Variants in UBE2H observed in about 807,000 individuals in gnomAD.
The protein encoded by UBE2H is ubiquitin conjugating enzyme E2 H.
A neutral mutation model predicts 29.0 loss-of-function variants in UBE2H; 3 were observed. That is an observed-to-expected ratio of 0.10 (90% CI 0.05 to 0.27). The LOEUF (loss-of-function observed/expected upper bound fraction) is 0.27. Ranked by LOEUF, UBE2H falls within the 10% of genes least tolerant of loss-of-function variation. The probability of loss-of-function intolerance (pLI) is 1.00; values close to 1 mark genes in which losing one functional copy is unlikely to be tolerated. For missense variants in UBE2H, 68 were observed against 228.2 expected (o/e 0.30, Z 4.52); for synonymous variants, 69 against 82.9 (o/e 0.83, Z 0.91).
intron 1 of UBE2H, among the ~76,000 whole-genome samples, chr7:129,922,497 G>A (rs1478921693): frequency 2.6e-5 from 4 of 152,140 alleles, no homozygotes; most frequent in African/African-American, 9.6e-5. Context: ...TGCTGGTCTC[G>A]AACTCCTGAC....
intron 1 of UBE2H, among the ~76,000 whole-genome samples, chr7:129,944,003 TTAA>T (rs1468584703): frequency 6.6e-6 from 1 of 152,074 alleles, no homozygotes; most frequent in African/African-American, 2.4e-5. Flanking sequence ...TAAAATAAGG[TTAA>T]TAATAAAAAA....
chr7:129,857,579 A>G lies in UBE2H; in HGVS notation c.246-16T>C. 2.5e-6 allele frequency: 4 copies of G among 1,606,122 alleles called. No homozygotes were observed. The highest frequency in any genetic ancestry group is 1.1e-5 in the South Asian group (1 of 88,714). On this transcript the variant is annotated splice_polypyrimidine_tract_variant and intron_variant, in intron 4 of 6. Coordinates refer to ENST00000355621, the MANE Select transcript of UBE2H (RefSeq NM_003344.4). ...AGTTCCTGACCTGAAACAGATGGAA[A>G]GAATGGCATGTTTTTAAAAATTAGA...
rs1464398806 is a variant in UBE2H, at chr7:129,839,159, A to G, written c.427+48T>C. ...AAGGACTTTTAATGACTGAAGCCCA[A>G]CAGATTTAAGTTCTTTTGTCTCCAG... On this transcript the variant is annotated intron_variant, in intron 6 of 6. Transcript: ENST00000355621. 5.0e-6 allele frequency: 8 copies of G among 1,591,514 alleles called. No homozygotes were observed. In the African/African-American group the frequency reaches 5.4e-5, roughly 11 times the overall value.
intron 3 of UBE2H, among the ~76,000 whole-genome samples, chr7:129,867,238 AC>A (rs1210878009): frequency 1.3e-5 from 2 of 152,106 alleles, no homozygotes; most frequent in African/African-American, 4.8e-5. Flanking sequence ...AGACCATCCT[AC>A]ACATGCACAC....
intron 3 of UBE2H, among the ~76,000 whole-genome samples, chr7:129,865,564 G>A (rs1001216637): frequency 2.6e-5 from 4 of 152,174 alleles, no homozygotes; most frequent in East Asian, 1.9e-4. Flanking sequence ...TACGGTAAAC[G>A]GGTGAAGATC....
intron 1 of UBE2H, among the ~76,000 whole-genome samples, chr7:129,898,518 T>C (rs139023906): frequency 2.6e-5 from 4 of 152,202 alleles, no homozygotes; most frequent in Middle Eastern, 3.4e-3. Context: ...AAGAACTGAA[T>C]AATATGAAAA....
intron 1 of UBE2H, among the ~76,000 whole-genome samples, chr7:129,886,758 G>GTTTTTTGTTT (rs1554435086): frequency 3.0e-4 from 12 of 40,302 alleles, no homozygotes; most frequent in South Asian, 7.3e-4. Context: ...CTGGTTTTTT[G>GTTTTTTGTTT]TTTTTTGGTA....
chr7:129,880,614 G>A (rs1248211000), intron 2 of UBE2H, among the ~76,000 whole-genome samples: 3 of 152,194 alleles, frequency 2.0e-5, no homozygotes, highest in Non-Finnish European at 4.4e-5. Flanking sequence ...GACATGGGAG[G>A]ATGTGTGTAG....
intron 1 of UBE2H, among the ~76,000 whole-genome samples, chr7:129,951,569 A>G (rs763998785): frequency 7.9e-5 from 12 of 152,190 alleles, no homozygotes; most frequent in Non-Finnish European, 1.2e-4. Context: ...CTGGACTCCA[A>G]CCAAAACCAC....
At chr7:129,949,357 T>C (rs769158287) in intron 1 of UBE2H, among the ~76,000 whole-genome samples, 15 of 152,200 alleles carry the variant, frequency 9.9e-5, no homozygotes, top group Non-Finnish European at 2.1e-4. Flanking sequence ...CCAATCTACC[T>C]GACTTTGCAA....
intron 3 of UBE2H, among the ~76,000 whole-genome samples, chr7:129,868,352 G>A (rs1458100814): frequency 6.6e-6 from 1 of 151,898 alleles, no homozygotes; most frequent in African/African-American, 2.4e-5. Flanking sequence ...AGGCCGAGGC[G>A]GGTGGATCAT....
At chr7:129,853,285 T>G (rs532730635) in intron 5 of UBE2H, among the ~76,000 whole-genome samples, 1 of 152,210 alleles carries the variant, frequency 6.6e-6, no homozygotes, top group Non-Finnish European at 1.5e-5. Context: ...AAGCTACCTG[T>G]GGCTTAATGA....
At chr7:129,881,620 C>T (rs1278846949) in intron 1 of UBE2H, among the ~76,000 whole-genome samples, 2 of 144,866 alleles carry the variant, frequency 1.4e-5, no homozygotes, top group Admixed American at 7.0e-5. Context: ...TGCACTCCAG[C>T]CTGGGTGATA....
intron 1 of UBE2H, among the ~76,000 whole-genome samples, chr7:129,934,788 ACAGT>A (rs1807487663): frequency 6.6e-6 from 1 of 150,648 alleles, no homozygotes; most frequent in African/African-American, 2.4e-5. Context: ...ATTTTAAAAA[ACAGT>A]CAGGGTGGCT....
In UBE2H at chr7:129,833,827, G is replaced by C. The variant is rs996581620; in HGVS notation, c.*1110C>G. The C allele has an allele frequency of 4.6e-5, 7 of 152,090 alleles. No homozygotes were observed. Among genetic ancestry groups the C allele is most frequent in the Non-Finnish European group, 7.3e-5 (5 of 68,032 alleles). 9.4% of individuals were successfully genotyped at this position (152,090 alleles called of 1,614,324 possible). A position where few individuals can be genotyped will look rare whatever the true frequency, so the allele number is the denominator to read the frequency against. On this transcript the variant is annotated 3_prime_UTR_variant, in exon 7 of 7. Coordinates refer to ENST00000355621, the MANE Select transcript of UBE2H (RefSeq NM_003344.4). ...ACAAGCAGATGATGACCAGGCTGCT[G>C]CCAAGAGCAGCAGAAAAAGGGAAAA...
intron 1 of UBE2H, among the ~76,000 whole-genome samples, chr7:129,925,625 C>T (rs1207088125): frequency 8.5e-5 from 13 of 152,138 alleles, no homozygotes; most frequent in Admixed American, 5.9e-4. Flanking sequence ...TTTCTTGCAA[C>T]GAGACACTTC....
At chr7:129,879,211 C>T (rs986739603) in intron 3 of UBE2H, among the ~76,000 whole-genome samples, 2 of 152,188 alleles carry the variant, frequency 1.3e-5, no homozygotes, top group Non-Finnish European at 2.9e-5. Context: ...GATTAAAACA[C>T]ATACTATGTA....
chr7:129,863,462 C>T (rs2116328095), intron 3 of UBE2H, among the ~76,000 whole-genome samples: 1 of 152,308 alleles, frequency 6.6e-6, no homozygotes, highest in Non-Finnish European at 1.5e-5. Flanking sequence ...CAAATCTCCA[C>T]TCTTACTCTA....
chr7:129,875,065 G>A (rs763514327), intron 3 of UBE2H, among the ~76,000 whole-genome samples: 2 of 152,200 alleles, frequency 1.3e-5, no homozygotes, highest in Non-Finnish European at 2.9e-5. Context: ...AGACAGCAAA[G>A]TGTAGACTCA....
Sources: gnomAD v4.1 joint callset for allele counts (sites outside exome capture counted in the v4.1 genomes callset) on GRCh38, gnomAD v4.1.1 for gene constraint, MANE v1.5 for transcripts, NCBI Gene and HGNC (gene_info 2026-07-23, HGNC 2026-07-21) for gene names.